The following TRIM51G variants were observed in gnomAD, a reference collection of about 807,000 sequenced individuals.
The protein encoded by TRIM51G is tripartite motif-containing 51G.
At chr11:48,975,599 C>A in the TRIM51G span, 1 of 1,384,228 alleles carries the variant, frequency 7.2e-7, no homozygotes, top group Non-Finnish European at 1.0e-6. Context: ...ACAAAGCTCA[C>A]GGTCCTACCT....
the TRIM51G span, among the ~76,000 whole-genome samples, chr11:48,976,303 C>T: frequency 5.3e-5 from 8 of 152,186 alleles, 1 homozygote; most frequent in East Asian, 1.4e-3. Context: ...GCCCTGAATG[C>T]CCTTTAGCTA....
chr11:48,982,800 TG>T, the TRIM51G span, among the ~76,000 whole-genome samples: 1 of 141,670 alleles, frequency 7.1e-6, no homozygotes, highest in African/African-American at 2.6e-5. Flanking sequence ...GTCTCGTTAT[TG>T]TTTGAACATC....
chr11:48,975,879 T>A, the TRIM51G span: 1 of 863,596 alleles, frequency 1.2e-6, no homozygotes, highest in South Asian at 1.3e-5. Context: ...GAAGAAAACA[T>A]TCAGATTTAT....
the TRIM51G span, chr11:48,978,109 A>C: frequency 9.6e-5 from 49 of 511,396 alleles, no homozygotes; most frequent in South Asian, 6.2e-4. Flanking sequence ...AAACTGAAAG[A>C]ATCTGCTAAA....
the TRIM51G span, among the ~76,000 whole-genome samples, chr11:48,978,669 C>T: frequency 3.3e-5 from 5 of 152,100 alleles, no homozygotes; most frequent in Non-Finnish European, 4.4e-5. Flanking sequence ...AGTTTTGTTG[C>T]TGGTGGATAA....
chr11:48,976,010 T>C, the TRIM51G span: 1 of 562,926 alleles, frequency 1.8e-6, no homozygotes, highest in Non-Finnish European at 3.3e-6. Flanking sequence ...GCAAAAATAA[T>C]TTTAAAAAAG....
chr11:48,978,962 T>A, the TRIM51G span: 1 of 1,581,792 alleles, frequency 6.3e-7, no homozygotes, highest in Non-Finnish European at 8.7e-7. Context: ...CCATTCTGGC[T>A]TTGCTTTCAT....
At chr11:48,978,775 A>G in the TRIM51G span, 7 of 643,882 alleles carry the variant, frequency 1.1e-5, 1 homozygote, top group South Asian at 1.2e-4. Context: ...TTGGAAACAA[A>G]TCATGGAAGT....
At chr11:48,982,947 G>GTGTGTGTATA in the TRIM51G span, among the ~76,000 whole-genome samples, 547 of 86,062 alleles carry the variant, frequency 6.4e-3, 14 homozygotes, top group Non-Finnish European at 8.0e-3. Context: ...AGTATTTTTG[G>GTGTGTGTATA]TATATATACA....
At chr11:48,977,666 A>G in the TRIM51G span, among the ~76,000 whole-genome samples, 1 of 152,048 alleles carries the variant, frequency 6.6e-6, no homozygotes, top group Non-Finnish European at 1.5e-5. Context: ...TGTTTCATCT[A>G]TTTTTCAGAA....
At chr11:48,978,112 C>G in the TRIM51G span, 8 of 513,184 alleles carry the variant, frequency 1.6e-5, no homozygotes, top group African/African-American at 1.4e-4. Flanking sequence ...CTGAAAGAAT[C>G]TGCTAAAATC....
chr11:48,977,219 C>CA, the TRIM51G span: 3 of 871,790 alleles, frequency 3.4e-6, no homozygotes, highest in Admixed American at 1.8e-5. Context: ...TATCAACAGC[C>CA]AAAAAAATAC....
At chr11:48,983,633 C>T in the TRIM51G span, among the ~76,000 whole-genome samples, 1 of 151,014 alleles carries the variant, frequency 6.6e-6, no homozygotes, top group Non-Finnish European at 1.5e-5. Context: ...ATATGAGTTA[C>T]AAATAAGATC....
the TRIM51G span, chr11:48,977,180 T>C: frequency 3.1e-6 from 4 of 1,276,354 alleles, no homozygotes; most frequent in Admixed American, 5.1e-5. Flanking sequence ...CAGGGACTCA[T>C]ACCTGCAAGG....
the TRIM51G span, among the ~76,000 whole-genome samples, chr11:48,979,343 C>T: frequency 3.3e-5 from 5 of 152,144 alleles, no homozygotes; most frequent in Non-Finnish European, 7.3e-5. Flanking sequence ...ATGGATTTCT[C>T]TCTTCCACAC....
the TRIM51G span, among the ~76,000 whole-genome samples, chr11:48,979,457 GTTATGTAA>G: frequency 6.6e-6 from 1 of 152,110 alleles, no homozygotes; most frequent in African/African-American, 2.4e-5. Flanking sequence ...ATTGGGGCAA[GTTATGTAA>G]AACCATTATA....
chr11:48,980,046 T>C, the TRIM51G span, among the ~76,000 whole-genome samples: 1 of 151,868 alleles, frequency 6.6e-6, no homozygotes, highest in Non-Finnish European at 1.5e-5. Context: ...CCAAAGACAC[T>C]ACTACACTCT....
the TRIM51G span, chr11:48,981,449 G>C: frequency 1.9e-6 from 3 of 1,607,264 alleles, no homozygotes; most frequent in African/African-American, 4.0e-5. Context: ...AGGAATTGCC[G>C]GAGGCTGGCT....
At chr11:48,977,026 C>T in the TRIM51G span, 1 of 685,008 alleles carries the variant, frequency 1.5e-6, no homozygotes, top group Non-Finnish European at 2.7e-6. Context: ...AATATTACCC[C>T]CATGATTCTA....
Sources: gnomAD v4.1 joint callset for allele counts (sites outside exome capture counted in the v4.1 genomes callset) on GRCh38, gnomAD v4.1.1 for gene constraint, MANE v1.5 for transcripts, NCBI Gene and HGNC (gene_info 2026-07-23, HGNC 2026-07-21) for gene names.